The following NID2 variants were observed in gnomAD, a reference collection of about 807,000 sequenced individuals.
The protein encoded by NID2 is nidogen 2.
A neutral mutation model predicts 145.4 loss-of-function variants in NID2; 83 were observed. The observed-to-expected ratio is 0.57, with a 90% CI of 0.48 to 0.69. NID2 has a LOEUF of 0.69. Among genes scored for constraint, NID2 ranks in the 30% least tolerant of loss-of-function variants. The pLI is 0.00. For synonymous variants in NID2, 739 were observed against 701.3 expected (o/e 1.05, Z -0.85); for missense variants, 1,807 against 1,765.7 (o/e 1.02, Z -0.42).
chr14:52,007,675 T>G, intron 19 of NID2, 135 bp downstream of exon 19: 2 of 802,402 alleles, frequency 2.5e-6, no homozygotes, highest in Non-Finnish European at 4.1e-6. Flanking sequence ...GTACTTAAAT[T>G]TACTAGTACT....
At chr14:52,046,592 G>A (rs949448343) in intron 5 of NID2, among the ~76,000 whole-genome samples, 1 of 152,060 alleles carries the variant, frequency 6.6e-6, no homozygotes, top group Non-Finnish European at 1.5e-5. Context: ...AAGAGGCAGG[G>A]CGATGCAGCC....
intron 12 of NID2, among the ~76,000 whole-genome samples, chr14:52,026,883 G>A (rs545948095): frequency 3.3e-5 from 5 of 152,310 alleles, no homozygotes; most frequent in Admixed American, 1.3e-4. Context: ...GGTGGAGACC[G>A]CCTAACAGGA....
intron 5 of NID2, among the ~76,000 whole-genome samples, chr14:52,043,279 G>A (rs1026449253): frequency 6.6e-6 from 1 of 152,170 alleles, no homozygotes; most frequent in African/African-American, 2.4e-5. Flanking sequence ...CTAAATATCA[G>A]CACTTTTATA....
intron 7 of NID2, 64 bp downstream of exon 7, chr14:52,042,041 T>G (rs1407324297): frequency 3.3e-6 from 5 of 1,516,546 alleles, no homozygotes; most frequent in Non-Finnish European, 4.4e-6. Flanking sequence ...CTAAAGACAG[T>G]GCCCCAAGGA....
intron 20 of NID2, chr14:52,006,101 TTAATGTTCCACAGTTCCTCATTTGAGAAC>T: frequency 2.0e-6 from 1 of 488,224 alleles, no homozygotes; most frequent in East Asian, 3.7e-5. Context: ...GGCTTAGACT[TTAATGTTCCACAGTTCCTCATTTGAGAAC>T]TAGTCTAAAT....
Position 52,042,160 on chromosome 14 carries a change from A to G in NID2, c.1770T>C (p.Phe590=), listed in dbSNP as rs146815565. Residue 590 remains phenylalanine, a synonymous_variant, in exon 7 of 22, where the codon TTT becomes TTC. Transcript: ENST00000216286. ...LLPLTPIGGL[F]GWLFALEKPG... ...GTTTTTCTAAAGCAAAGAGCCAGCC[A>G]AACAGGCCTCCAATTGGTGTGAGGG... The G allele has an allele frequency of 4.3e-5, 70 of 1,612,892 alleles. No homozygotes were observed. Among genetic ancestry groups the G allele is most frequent in the Non-Finnish European group, 5.3e-5 (62 of 1,179,154 alleles).
At chr14:52,044,072 C>G (rs938749731) in intron 5 of NID2, among the ~76,000 whole-genome samples, 1 of 151,998 alleles carries the variant, frequency 6.6e-6, no homozygotes, top group Non-Finnish European at 1.5e-5. Context: ...AACGAGGAGA[C>G]AGGAGGGGAG....
chr14:52,011,761 C>T (rs1244974449), intron 16 of NID2, 78 bp from the exon 17 acceptor site: 7 of 1,539,880 alleles, frequency 4.5e-6, no homozygotes, highest in Non-Finnish European at 5.3e-6. Flanking sequence ...CTTGCTCATG[C>T]ACAGCTGCAG....
intron 14 of NID2, among the ~76,000 whole-genome samples, chr14:52,016,266 A>C (rs1425568330): frequency 2.6e-5 from 4 of 152,232 alleles, no homozygotes; most frequent in Non-Finnish European, 5.9e-5. Context: ...AAGGAACTTA[A>C]ACAAGAGGAG....
intron 14 of NID2, among the ~76,000 whole-genome samples, chr14:52,015,576 C>T (rs1274802389): frequency 1.3e-5 from 2 of 152,176 alleles, no homozygotes; most frequent in Non-Finnish European, 2.9e-5. Flanking sequence ...GCTCACTCAG[C>T]CTGGGAAGGG....
rs1595001816 is a variant in NID2, at chr14:52,011,905, A to C, written c.3421-222T>G. 7 of 507,610 alleles carry C rather than the reference A, an allele frequency of 1.4e-5. No homozygotes were observed. In the East Asian group the frequency reaches 2.4e-4, roughly 17 times the overall value. 31.4% of individuals were successfully genotyped at this position (507,610 alleles called of 1,614,324 possible). A position where few individuals can be genotyped will look rare whatever the true frequency, so the allele number is the denominator to read the frequency against. On this transcript the variant is annotated intron_variant, in intron 16 of 21. Coordinates refer to ENST00000216286, the MANE Select transcript of NID2 (RefSeq NM_007361.4). Reference sequence around the variant, plus strand: ...CATTTAACCTCTATGCGTTTGTCTCATTTGCAAAATGAGGCCAATAGTGTA... The same window carrying C: ...CATTTAACCTCTATGCGTTTGTCTCCTTTGCAAAATGAGGCCAATAGTGTA...
Position 52,054,037 on chromosome 14 carries a change from T to A in NID2, c.1052A>T (p.Asp351Val), listed in dbSNP as rs1285476244. 8 of 1,613,912 alleles carry A rather than the reference T, an allele frequency of 5.0e-6. No homozygotes were observed. The highest frequency in any genetic ancestry group is 6.8e-6 in the Non-Finnish European group (8 of 1,179,968). ...GATCCTACCCTCTAAAGGCTTTGTATCCACTTTGGATTGGAAGGAAACATC... is the reference window on the plus strand; with the variant it reads ...GATCCTACCCTCTAAAGGCTTTGTAACCACTTTGGATTGGAAGGAAACATC... ...SIDVSFQSKV[D>V]TKPLEESSTL... The change falls in exon 4 of 22, where the codon GAT (aspartate) becomes GTT (valine). Residue 351 changes from aspartate to valine, a missense_variant. Asp to Val is a radical substitution (Grantham distance 152). Coordinates refer to ENST00000216286, the MANE Select transcript of NID2 (RefSeq NM_007361.4).
intron 12 of NID2, among the ~76,000 whole-genome samples, chr14:52,023,463 A>T (rs542294507): frequency 1.6e-4 from 24 of 151,984 alleles, no homozygotes; most frequent in African/African-American, 5.8e-4. Context: ...TAAAAAAATA[A>T]ATAAATAAAT....
intron 4 of NID2, 34 bp from the exon 5 acceptor site, chr14:52,053,972 T>C (rs1340833677): frequency 3.7e-6 from 6 of 1,611,430 alleles, no homozygotes; most frequent in East Asian, 4.5e-5. Context: ...TAAGTAGGTG[T>C]TGGATGCAAG....
chr14:52,044,605 A>G (rs375840723), intron 5 of NID2, among the ~76,000 whole-genome samples: 1,708 of 57,518 alleles, frequency 0.03, 31 homozygotes, highest in African/African-American at 0.1. Context: ...CCTAGGTAGC[A>G]GGGACTTTTT....
intron 21 of NID2, 89 bp downstream of exon 21, chr14:52,005,647 GT>G (rs915244160): frequency 7.4e-7 from 1 of 1,354,118 alleles, no homozygotes; most frequent in African/African-American, 1.4e-5. Context: ...AATGGTGGCA[GT>G]GTCACAGGCA....
At chr14:52,022,223 C>T (rs1891426262) in intron 12 of NID2, among the ~76,000 whole-genome samples, 1 of 150,214 alleles carries the variant, frequency 6.7e-6, no homozygotes, top group Non-Finnish European at 1.5e-5. Flanking sequence ...ACCAGCCTTC[C>T]TCCCCACAGA....
intron 12 of NID2, among the ~76,000 whole-genome samples, chr14:52,023,911 T>C (rs2140367529): frequency 6.6e-6 from 1 of 152,320 alleles, no homozygotes; most frequent in South Asian, 2.1e-4. Flanking sequence ...GTTAGTTTGA[T>C]GGAGTAAAAG....
At chr14:52,040,246 C>T (rs759558595) in intron 8 of NID2, among the ~76,000 whole-genome samples, 3 of 139,266 alleles carry the variant, frequency 2.2e-5, no homozygotes. Context: ...TGGCCTCTTT[C>T]TGTGATTTTT....
Sources: gnomAD v4.1 joint callset for allele counts (sites outside exome capture counted in the v4.1 genomes callset) on GRCh38, gnomAD v4.1.1 for gene constraint, MANE v1.5 for transcripts, NCBI Gene and HGNC (gene_info 2026-07-23, HGNC 2026-07-21) for gene names.